Variants in SMIM7 observed in about 807,000 individuals in gnomAD.
SMIM7 encodes small integral membrane protein 7, also known as UPF0608 protein C19orf42.
Under a neutral mutation model 13.3 loss-of-function variants are expected in SMIM7, and 12 were observed. The observed-to-expected ratio is 0.90, with a 90% confidence interval of 0.58 to 1.46. The LOEUF (loss-of-function observed/expected upper bound fraction) is 1.46. Among genes scored for constraint, SMIM7 ranks in the 40% most tolerant of loss-of-function variants. SMIM7 has a pLI of 0.00. For missense variants in SMIM7, 114 were observed against 94.8 expected, an observed-to-expected ratio of 1.20 and a Z score of -0.84; for synonymous variants, 36 against 35.8, an observed-to-expected ratio of 1.01 and a Z score of -0.02.
At chr19:16,634,782 A>G (rs2086346943) in intron 4 of SMIM7, 1 of 149,364 alleles carries the variant, frequency 6.7e-6, no homozygotes, top group Admixed American at 6.7e-5. Flanking sequence ...TGTCTTAAAA[A>G]AAAAAAAAAA....
Position 16,647,403 on chromosome 19 carries a change from A to G in SMIM7, c.213-142T>C, listed in dbSNP as rs1362456855. 4 of 914,800 alleles carry G rather than the reference A, an allele frequency of 4.4e-6. No individual in the cohort carries two copies. The East Asian group carries it at 1.0e-4, about 23-fold the overall frequency. 56.7% of individuals were successfully genotyped at this position (914,800 alleles called of 1,614,324 possible). A position where few individuals can be genotyped will look rare whatever the true frequency, so the allele number is the denominator to read the frequency against. ...GTCTGATTTTTTAAAGTAACCTGTG[A>G]TCCACCTGTGAATATAATTAACAAT... is the stretch of plus-strand genomic sequence containing the variant. On this transcript the variant is annotated intron_variant, in intron 4 of 4. Coordinates refer to ENST00000487416, the MANE Select transcript of SMIM7 (RefSeq NM_024104.4).
intron 3 of SMIM7, among the ~76,000 whole-genome samples, chr19:16,655,795 A>G (rs948465389): frequency 6.6e-6 from 1 of 152,052 alleles, no homozygotes; most frequent in African/African-American, 2.4e-5. Flanking sequence ...ACACAACACA[A>G]GCCCAGAAAT....
At chr19:16,642,445 G>C (rs1253704023), downstream of SMIM7, among the ~76,000 whole-genome samples, 1 of 152,090 alleles carries the variant, frequency 6.6e-6, no homozygotes, top group Non-Finnish European at 1.5e-5. Flanking sequence ...AGCTATTCAG[G>C]AGGCTGAGGC....
At chr19:16,653,711 C>T (rs1052579520) in intron 4 of SMIM7, 19 of 309,696 alleles carry the variant, frequency 6.1e-5, no homozygotes, top group South Asian at 3.7e-4. Context: ...CTGGATAACA[C>T]GATGGAACCC....
At chr19:16,647,889 TAA>T (rs2086470508) in intron 4 of SMIM7, among the ~76,000 whole-genome samples, 1 of 151,922 alleles carries the variant, frequency 6.6e-6, no homozygotes, top group Non-Finnish European at 1.5e-5. Flanking sequence ...CTGAAAAAAA[TAA>T]GAGTGCAGAA....
At chr19:16,653,072 A>T in intron 4 of SMIM7, 2 of 1,278,508 alleles carry the variant, frequency 1.6e-6, no homozygotes, top group Admixed American at 2.4e-5. Context: ...CATTTAAACC[A>T]TATTTTCCAC....
At position 16,646,395 on chromosome 19, in the gene SMIM7, T is replaced by C. The variant is rs1276122169; in HGVS notation, c.*851A>G. The C allele has an allele frequency of 6.6e-6, 1 of 152,138 alleles. No individual in the cohort carries two copies. The highest frequency in any genetic ancestry group is 1.5e-5 in the Non-Finnish European group (1 of 68,042). 9.4% of individuals were successfully genotyped at this position (152,138 alleles called of 1,614,324 possible). ...TTTCATTTTGGCAACAAAACCAGGA[T>C]TCCCTTTCAAAGAAGCTTCTGGAAA... is the stretch of plus-strand genomic sequence containing the variant. On this transcript the variant is annotated 3_prime_UTR_variant, in exon 5 of 5. Coordinates refer to ENST00000487416, the MANE Select transcript of SMIM7 (RefSeq NM_024104.4).
chr19:16,639,415 C>T (rs2086388628), intron 4 of SMIM7, among the ~76,000 whole-genome samples: 1 of 152,176 alleles, frequency 6.6e-6, no homozygotes, highest in Admixed American at 6.5e-5. Flanking sequence ...AGCCACTGCG[C>T]CCGGTCATAA....
intron 3 of SMIM7, among the ~76,000 whole-genome samples, chr19:16,658,898 G>C (rs909751755): frequency 6.6e-6 from 1 of 152,028 alleles, no homozygotes; most frequent in African/African-American, 2.4e-5. Flanking sequence ...TGATGTGAGT[G>C]CTCACATCAG....
chr19:16,657,549 T>C (rs576061196), intron 3 of SMIM7, among the ~76,000 whole-genome samples: 12 of 152,330 alleles, frequency 7.9e-5, no homozygotes, highest in East Asian at 1.9e-4. Context: ...CTGATTCTCA[T>C]TGATTCCCTA....
At chr19:16,657,171 A>C (rs1599377489) in intron 3 of SMIM7, among the ~76,000 whole-genome samples, 3 of 152,192 alleles carry the variant, frequency 2.0e-5, no homozygotes, top group African/African-American at 7.2e-5. Context: ...ATGGTATTAC[A>C]GTTAAGCCAG....
chr19:16,656,454 G>A (rs896688295), intron 3 of SMIM7, among the ~76,000 whole-genome samples: 2 of 152,052 alleles, frequency 1.3e-5, no homozygotes, highest in Non-Finnish European at 1.5e-5. Flanking sequence ...AACAAAGACC[G>A]GTGGCTCTGC....
rs531382371 is a variant in SMIM7, at chr19:16,657,983, T to C, written c.121+1412A>G. Among the ~76,000 whole-genome samples, 12 of 152,320 alleles carry C rather than the reference T, an allele frequency of 7.9e-5. No homozygotes were observed. The South Asian group carries it at 2.5e-3, about 32-fold the overall frequency. ...CCAGGAGCTCAAGGCTGCAGTGAGC[T>C]ATGACTGTGCCGCTGCACTCCAGCC... On this transcript the variant is annotated intron_variant, in intron 3 of 4. Coordinates refer to ENST00000487416, the MANE Select transcript of SMIM7 (RefSeq NM_024104.4).
chr19:16,637,570 C>G (rs2086368798), intron 4 of SMIM7, among the ~76,000 whole-genome samples: 1 of 152,192 alleles, frequency 6.6e-6, no homozygotes, highest in South Asian at 2.1e-4. Context: ...CTGAATTCCA[C>G]AAAAACACCC....
In SMIM7 at chr19:16,635,922, ATG is replaced by A. The variant is rs1421170404; in HGVS notation, c.*138-4200_*138-4199del. Among the ~76,000 whole-genome samples the A allele has an allele frequency of 7.8e-4, 113 of 144,986 alleles. 2 individuals are homozygous for A. Among genetic ancestry groups the A allele is most frequent in the Non-Finnish European group, 4.8e-4 (32 of 66,444 alleles). ...AAAATATATATATATATATATATAT[ATG>A]TATGTATACACAATTTGACCCTGTG... On this transcript the variant is annotated intron_variant and NMD_transcript_variant, in intron 4 of 4. Transcript: ENST00000465250.
chr19:16,637,625 T>C (rs2086369100), intron 4 of SMIM7, among the ~76,000 whole-genome samples: 3 of 152,322 alleles, frequency 2.0e-5, no homozygotes, highest in South Asian at 2.1e-4. Context: ...CCTCCCATGG[T>C]TGAGGCCACC....
chr19:16,659,836 G>A (rs1335278867), intron 2 of SMIM7, 123 bp downstream of exon 2: 34 of 1,318,234 alleles, frequency 2.6e-5, no homozygotes, highest in Admixed American at 4.0e-5. Context: ...CGTGCCCAGA[G>A]GGCGGATAGG....
chr19:16,654,153 G>A (rs780279266), intron 3 of SMIM7, 28 bp from the exon 4 acceptor site: 2 of 1,590,246 alleles, frequency 1.3e-6, no homozygotes, highest in South Asian at 1.1e-5. Context: ...CACTTTTATG[G>A]CACAGCTAAC....
At chr19:16,654,994 G>GA (rs1279334852) in intron 3 of SMIM7, among the ~76,000 whole-genome samples, 1 of 152,018 alleles carries the variant, frequency 6.6e-6, no homozygotes, top group Admixed American at 6.6e-5. Flanking sequence ...CAACATAAAA[G>GA]AAAGGGGAAT....
Sources: allele counts gnomAD v4.1 joint callset (sites outside exome capture counted in the v4.1 genomes callset), GRCh38; gene constraint gnomAD v4.1.1; transcripts MANE v1.5; gene names NCBI Gene and HGNC (gene_info 2026-07-23, HGNC 2026-07-21).